The following RELN variants were observed in gnomAD, a reference collection of about 807,000 sequenced individuals.
RELN encodes the protein reelin.
Under a neutral mutation model 427.6 loss-of-function variants are expected in RELN, and 108 were observed. The ratio of observed to expected loss-of-function variants is 0.25; its 90% confidence interval spans 0.22 to 0.30. The LOEUF (loss-of-function observed/expected upper bound fraction) is 0.30. Among genes scored for constraint, RELN ranks in the 10% least tolerant of loss-of-function variants. RELN has a pLI of 1.00. For missense variants in RELN, 3,715 were observed against 4,302.8 expected (o/e 0.86, Z 3.82); for synonymous variants, 1,524 against 1,513.4 (o/e 1.01, Z -0.16).
intron 11 of RELN, among the ~76,000 whole-genome samples, chr7:103,676,251 AAAG>A (rs1316883180): frequency 4.6e-5 from 7 of 152,232 alleles, no homozygotes; most frequent in Admixed American, 1.3e-4. Flanking sequence ...ACACTTCTCA[AAAG>A]AAGATGTTTA....
chr7:103,850,317 T>C (rs374532092), intron 2 of RELN, among the ~76,000 whole-genome samples: 3 of 152,298 alleles, frequency 2.0e-5, no homozygotes, highest in Admixed American at 6.5e-5. Context: ...CTCCCTAACA[T>C]AGGCCCCCAT....
At chr7:103,713,126 C>T (rs555062374) in intron 8 of RELN, among the ~76,000 whole-genome samples, 14 of 152,238 alleles carry the variant, frequency 9.2e-5, no homozygotes, top group Admixed American at 7.2e-4. Context: ...CCAGAAATCA[C>T]GCCTCTAGAT....
intron 6 of RELN, among the ~76,000 whole-genome samples, chr7:103,738,996 C>G (rs1790569370): frequency 6.6e-6 from 1 of 152,038 alleles, no homozygotes; most frequent in Non-Finnish European, 1.5e-5. Context: ...TCTTTTCATT[C>G]AACTTAAAAT....
intron 3 of RELN, among the ~76,000 whole-genome samples, chr7:103,788,144 C>T (rs1792066873): frequency 6.6e-6 from 1 of 152,178 alleles, no homozygotes; most frequent in Non-Finnish European, 1.5e-5. Context: ...AACACTGCTT[C>T]ATGCTAAAAA....
chr7:103,545,166 T>A lies in RELN; in HGVS notation c.6481A>T (p.Ile2161Leu). The change falls in exon 42 of 65, where the codon ATA becomes TTA. Residue 2161 changes from isoleucine to leucine, a missense_variant. Coordinates refer to ENST00000428762, the MANE Select transcript of RELN (RefSeq NM_005045.4). ...DPGYSGPTCKISTKNPDFLKD... is the reference protein window; with the variant it reads ...DPGYSGPTCKLSTKNPDFLKD... ...AGAAAATCAGGATTTTTGGTGCTTA[T>A]TTTACAGGTTGGACCTGAGTAGCCA... 6.2e-7 allele frequency: 1 copy of A among 1,614,098 alleles called. No individual in the cohort carries two copies. Among genetic ancestry groups the A allele is most frequent in the Non-Finnish European group, 8.5e-7 (1 of 1,180,038 alleles).
intron 6 of RELN, among the ~76,000 whole-genome samples, chr7:103,741,337 C>T (rs1016513740): frequency 2.0e-5 from 3 of 151,872 alleles, no homozygotes; most frequent in African/African-American, 7.3e-5. Context: ...TATGATGTTG[C>T]TGTAATGCTA....
At chr7:103,566,795 C>T (rs1830763962) in intron 31 of RELN, 36 bp from the exon 32 acceptor site, 2 of 1,597,984 alleles carry the variant, frequency 1.3e-6, no homozygotes, top group Non-Finnish European at 8.6e-7. Context: ...TATTTGGACA[C>T]TTTCCTAGAG....
chr7:103,799,416 T>C (rs1792389630), intron 3 of RELN, among the ~76,000 whole-genome samples: 1 of 152,170 alleles, frequency 6.6e-6, no homozygotes, highest in Non-Finnish European at 1.5e-5. Flanking sequence ...GCTTCTGTAA[T>C]TCATGTTACT....
At chr7:103,549,609 A>G (rs1830369754) in intron 41 of RELN, among the ~76,000 whole-genome samples, 1 of 152,214 alleles carries the variant, frequency 6.6e-6, no homozygotes, top group Non-Finnish European at 1.5e-5. Flanking sequence ...TGATAGGTTC[A>G]GATTTGAAAA....
intron 2 of RELN, among the ~76,000 whole-genome samples, chr7:103,902,639 G>A (rs758949878): frequency 7.2e-5 from 11 of 152,038 alleles, no homozygotes; most frequent in Non-Finnish European, 1.6e-4. Context: ...TTTCCATTCA[G>A]ACATTCAGAG....
At chr7:103,627,408 T>A (rs1025610396) in intron 20 of RELN, among the ~76,000 whole-genome samples, 6 of 152,108 alleles carry the variant, frequency 3.9e-5, no homozygotes, top group Non-Finnish European at 7.4e-5. Flanking sequence ...TGAATTCACA[T>A]TAAATCTTGG....
rs139413355 is a variant in RELN at position 103,838,834 on chromosome 7, A to G, written c.338-5162T>C. 6.8e-3 allele frequency among the ~76,000 whole-genome samples: 1,031 copies of G among 152,344 alleles called. 12 individuals carry two copies. The highest frequency in any genetic ancestry group is 0.023 in the African/African-American group (949 of 41,564). On this transcript the variant is annotated intron_variant, in intron 2 of 64. Transcript: ENST00000428762. ...CAATGTCTAGGCCACATATTACTTG[A>G]CAATTTTATAAGTTGCTACCTTAAC...
At chr7:103,710,180 T>C (rs1438652410) in intron 8 of RELN, among the ~76,000 whole-genome samples, 2 of 152,210 alleles carry the variant, frequency 1.3e-5, no homozygotes, top group African/African-American at 4.8e-5. Context: ...GGAGAGGCTC[T>C]AGCAATATAG....
rs151040265 is a variant in RELN at position 103,718,760 on chromosome 7, T to A, written c.805+4380A>T. Among the ~76,000 whole-genome samples the A allele has an allele frequency of 2.8e-3, 430 of 152,348 alleles. 2 individuals are homozygous for A. The highest frequency in any genetic ancestry group is 9.3e-3 in the South Asian group (45 of 4,826). ...GGGCTAGTGACTGAGGATACTGTGA[T>A]GGACAAGATAGATTTGTCTGGCAAG... On this transcript the variant is annotated intron_variant, in intron 8 of 64. Coordinates refer to ENST00000428762, the MANE Select transcript of RELN (RefSeq NM_005045.4).
Position 103,753,156 on chromosome 7 carries a change from A to G in RELN, c.577+26T>C, listed in dbSNP as rs531915307. 327 of 1,612,446 alleles carry G rather than the reference A, an allele frequency of 2.0e-4. 2 individuals are homozygous for G. The South Asian group carries it at 3.5e-3, about 17-fold the overall frequency. ...ACAAGTAGATCAAGTACTAAAGTTA[A>G]TGACATCAGAGTCTTAAACACTTAC... On this transcript the variant is annotated intron_variant, in intron 5 of 64. Transcript: ENST00000428762.
intron 6 of RELN, among the ~76,000 whole-genome samples, chr7:103,738,212 C>T (rs140108427): frequency 1.6e-3 from 239 of 151,046 alleles, no homozygotes; most frequent in African/African-American, 5.5e-3. Context: ...CTGTGATCTT[C>T]GGAAAATAAG....
chr7:103,918,522 C>A (rs1795538796), intron 1 of RELN, among the ~76,000 whole-genome samples: 1 of 152,068 alleles, frequency 6.6e-6, no homozygotes, highest in East Asian at 1.9e-4. Context: ...CCCTCAGATC[C>A]CAAAGTGGCA....
At chr7:103,500,706 G>A (rs1828997634) in intron 53 of RELN, 39 bp downstream of exon 53, 1 of 1,604,196 alleles carries the variant, frequency 6.2e-7, no homozygotes, top group African/African-American at 1.3e-5. Context: ...CATGACCCAT[G>A]ATGTGAGTAA....
chr7:103,751,219 T>C (rs1160052428), intron 5 of RELN, among the ~76,000 whole-genome samples: 6 of 152,212 alleles, frequency 3.9e-5, no homozygotes, highest in Admixed American at 3.9e-4. Flanking sequence ...AAATAATATC[T>C]GATTAACAAA....
Sources: allele counts gnomAD v4.1 joint callset (sites outside exome capture counted in the v4.1 genomes callset), GRCh38; gene constraint gnomAD v4.1.1; transcripts MANE v1.5; gene names NCBI Gene and HGNC (gene_info 2026-07-23, HGNC 2026-07-21).